SPATA18: variants seen among roughly 807,000 people sequenced by gnomAD.
SPATA18 encodes spermatogenesis associated 18, also known as mitochondria-eating protein.
In SPATA18, 54 loss-of-function variants were observed where a neutral mutation model predicts 68.1. That is an observed-to-expected ratio of 0.79 (90% CI 0.64 to 0.99). The LOEUF (loss-of-function observed/expected upper bound fraction) is 0.99, where lower values mean the gene tolerates loss of function less well. Among genes scored for constraint, SPATA18 ranks in the 50% least tolerant of loss-of-function variants. The pLI, the probability that SPATA18 is intolerant of heterozygous loss-of-function variation, is 0.00. For synonymous variants in SPATA18, 242 were observed against 244.8 expected (o/e 0.99, Z 0.11); for missense variants, 724 against 681.1 (o/e 1.06, Z -0.70).
At position 52,079,611 on chromosome 4, in the gene SPATA18, A is replaced by C. The variant is rs556230479; in HGVS notation, c.1180-133A>C. 33 of 980,348 alleles carry C rather than the reference A, an allele frequency of 3.4e-5. No individual in the cohort carries two copies. In the African/African-American group the frequency reaches 5.4e-4, roughly 16 times the overall value. 60.7% of individuals were successfully genotyped at this position (980,348 alleles called of 1,614,324 possible). On this transcript the variant is annotated intron_variant, in intron 8 of 12. Transcript: ENST00000295213. ...ACATCTTTCTCCTTTTAGCACATTC[A>C]CTGTTTTTCTGCTTTAACTTGCTTT...
At chr4:52,065,744 C>G in intron 4 of SPATA18, among the ~76,000 whole-genome samples, 1 of 152,186 alleles carries the variant, frequency 6.6e-6, no homozygotes, top group Non-Finnish European at 1.5e-5. Flanking sequence ...AGGAGGTTCC[C>G]TATGTCTAAC....
At chr4:52,051,847 C>T in intron 1 of SPATA18, 56 bp downstream of exon 1, 1 of 1,516,434 alleles carries the variant, frequency 6.6e-7, no homozygotes, top group South Asian at 1.1e-5. Flanking sequence ...CCAGCACAGC[C>T]CTTGTCGGGG....
chr4:52,077,417 TCTC>T (rs1740486409), intron 7 of SPATA18, among the ~76,000 whole-genome samples: 1 of 45,162 alleles, frequency 2.2e-5, no homozygotes, highest in Non-Finnish European at 1.3e-4. Context: ...GTTTCCTTCC[TCTC>T]TCTCCTTCCT....
chr4:52,060,486 G>A lies in SPATA18; in HGVS notation c.155G>A (p.Gly52Glu), dbSNP rs1738736757. 1 of 1,614,026 alleles carries A rather than the reference G, an allele frequency of 6.2e-7. No individual in the cohort carries two copies. The highest frequency in any genetic ancestry group is 1.3e-5 in the African/African-American group (1 of 75,020). Residue 52 changes from glycine to glutamate, a missense_variant, in exon 2 of 13, where the codon GGA (glycine) becomes GAA (glutamate). Transcript: ENST00000295213. ...ATTGAGCAAGTTGCCAAGGTGCAGG[G>A]ACAACTCTTTGGGATCCTCACAGCA... ...ELIEQVAKVQ[G>E]QLFGILTAAA...
At chr4:52,062,411 A>G in intron 4 of SPATA18, 79 bp downstream of exon 4, 2 of 983,206 alleles carry the variant, frequency 2.0e-6, no homozygotes, top group South Asian at 2.9e-5. Context: ...AAGGAGAATA[A>G]TGGCTCATGT....
At chr4:52,083,063 C>G in intron 10 of SPATA18, 1 of 976,768 alleles carries the variant, frequency 1.0e-6, no homozygotes, top group Non-Finnish European at 1.2e-6. Flanking sequence ...TGTTTTGAAC[C>G]TACAGAATGT....
chr4:52,058,003 C>G (rs1738495830), intron 1 of SPATA18, among the ~76,000 whole-genome samples: 1 of 152,200 alleles, frequency 6.6e-6, no homozygotes, highest in Non-Finnish European at 1.5e-5. Flanking sequence ...TCTCCGTCCA[C>G]TTAGCACATG....
At chr4:52,081,733 A>G (rs1418444266) in intron 9 of SPATA18, among the ~76,000 whole-genome samples, 1 of 152,182 alleles carries the variant, frequency 6.6e-6, no homozygotes, top group Non-Finnish European at 1.5e-5. Flanking sequence ...TTTTAGACTC[A>G]ATTATAGGAC....
chr4:52,054,480 C>T (rs1011425594), intron 1 of SPATA18, among the ~76,000 whole-genome samples: 3 of 152,070 alleles, frequency 2.0e-5, no homozygotes, highest in Admixed American at 6.6e-5. Flanking sequence ...ATGGGTTGGC[C>T]ACATGTATAC....
At chr4:52,094,608 G>A (rs1742269710) in intron 12 of SPATA18, 36 bp downstream of exon 12, 2 of 1,600,756 alleles carry the variant, frequency 1.2e-6, no homozygotes, top group African/African-American at 1.3e-5. Flanking sequence ...CAAATTTTCT[G>A]CTTTTTAATA....
At position 52,071,897 on chromosome 4, in the gene SPATA18, C is replaced by G. The variant is rs1560593661; in HGVS notation, c.519-20C>G. ...CCTCTCCTCTCTTCCCTTCCTCTGC[C>G]CTCTCTCTTTGCTGTTCAGGCTTAA... On this transcript the variant is annotated intron_variant, in intron 5 of 12. Coordinates refer to ENST00000295213, the MANE Select transcript of SPATA18 (RefSeq NM_145263.4). 1 of 1,610,866 alleles carries G rather than the reference C, an allele frequency of 6.2e-7. No individual in the cohort carries two copies.
intron 5 of SPATA18, among the ~76,000 whole-genome samples, chr4:52,070,692 A>G (rs1364194576): frequency 1.3e-5 from 2 of 152,186 alleles, no homozygotes; most frequent in Non-Finnish European, 2.9e-5. Context: ...AATAATAATA[A>G]AATAAAAAAA....
chr4:52,062,829 T>C (rs1738993997), intron 4 of SPATA18, among the ~76,000 whole-genome samples: 1 of 152,210 alleles, frequency 6.6e-6, no homozygotes, highest in Non-Finnish European at 1.5e-5. Flanking sequence ...CTTCTCTGAA[T>C]CTGAGAGAGT....
intron 1 of SPATA18, among the ~76,000 whole-genome samples, chr4:52,058,205 C>A (rs543968820): frequency 3.3e-5 from 5 of 152,274 alleles, no homozygotes; most frequent in South Asian, 2.1e-4. Flanking sequence ...CATTCATCAA[C>A]GTTGTTTAGA....
In SPATA18 at chr4:52,051,441, G is replaced by C. The variant is rs1737853852; in HGVS notation, c.-264G>C. The C allele has an allele frequency of 3.9e-6, 2 of 509,570 alleles. No homozygotes were observed. The highest frequency in any genetic ancestry group is 6.0e-5 in the South Asian group (2 of 33,386). 31.6% of individuals were successfully genotyped at this position (509,570 alleles called of 1,614,324 possible). ...AATAATCGCCAGGGTATCTATGGCCGGGCTCAGGCGGCTGCTGGGGAGCCA... is the reference window on the plus strand; with the variant it reads ...AATAATCGCCAGGGTATCTATGGCCCGGCTCAGGCGGCTGCTGGGGAGCCA... On this transcript the variant is annotated 5_prime_UTR_variant, in exon 1 of 13. Transcript: ENST00000295213.
In SPATA18 at chr4:52,060,837, G is replaced by A. The variant is rs543148036; in HGVS notation, c.249G>A (p.Glu83=). Reference sequence around the variant, plus strand: ...AGTCACGCCTTTTGCCTTGGCTGGAGGCTTCCTTTACTGCTGCTTCCCTGG... The same window carrying A: ...AGTCACGCCTTTTGCCTTGGCTGGAAGCTTCCTTTACTGCTGCTTCCCTGG... ...TIKSRLLPWL[E]ASFTAASLGK... The change falls in exon 3 of 13, where the codon GAG becomes GAA. Residue 83 remains glutamate (E), a synonymous_variant. Coordinates refer to ENST00000295213, the MANE Select transcript of SPATA18 (RefSeq NM_145263.4). The A allele has an allele frequency of 1.9e-6, 3 of 1,614,032 alleles. No individual in the cohort carries two copies. The highest frequency in any genetic ancestry group is 2.2e-5 in the East Asian group (1 of 44,876).
rs878963409 is a variant in SPATA18, at chr4:52,079,043, A to C, written c.1179+150A>C. 8.7e-4 allele frequency: 675 copies of C among 777,602 alleles called. 20 individuals are homozygous for C. The highest frequency in any genetic ancestry group is 8.6e-4 in the East Asian group (28 of 32,486). 48.2% of individuals were successfully genotyped at this position (777,602 alleles called of 1,614,324 possible). The stretch of plus-strand genomic sequence containing the variant: ...AACAGCATTCAATTTACTTGGTAGC[A>C]CCTGCCATTATTGACTGTTTCTTCC... On this transcript the variant is annotated intron_variant, in intron 8 of 12. Coordinates refer to ENST00000295213, the MANE Select transcript of SPATA18 (RefSeq NM_145263.4).
At chr4:52,083,270 C>G in intron 10 of SPATA18, 1 of 985,298 alleles carries the variant, frequency 1.0e-6, no homozygotes, top group Non-Finnish European at 1.2e-6. Context: ...GGATGATGCC[C>G]ACAGCTGGCT....
chr4:52,070,058 T>A (rs1560591849), intron 5 of SPATA18, 142 bp downstream of exon 5: 3 of 225,840 alleles, frequency 1.3e-5, no homozygotes, highest in Non-Finnish European at 2.4e-5. Flanking sequence ...ATATATATAT[T>A]TACTACAAAG....
Sources: gnomAD v4.1 joint callset for allele counts (sites outside exome capture counted in the v4.1 genomes callset) on GRCh38, gnomAD v4.1.1 for gene constraint, MANE v1.5 for transcripts, NCBI Gene and HGNC (gene_info 2026-07-23, HGNC 2026-07-21) for gene names.